Variants in ATRNL1 observed in about 807,000 individuals in gnomAD.
ATRNL1 encodes the protein attractin like 1.
A neutral mutation model predicts 182.7 loss-of-function variants in ATRNL1; 95 were observed. That is an observed-to-expected ratio of 0.52 (90% confidence interval 0.44 to 0.62). The LOEUF is 0.62. Among genes scored for constraint, ATRNL1 ranks in the 20% least tolerant of loss-of-function variants. The probability of loss-of-function intolerance (pLI) is 0.00; values close to 1 mark genes in which losing one functional copy is unlikely to be tolerated. For synonymous variants in ATRNL1, 576 were observed against 568.3 expected (o/e 1.01, Z -0.19); for missense variants, 1,471 against 1,679.5 (o/e 0.88, Z 2.17).
At chr10:115,323,595 C>T (rs1264812953) in intron 18 of ATRNL1, among the ~76,000 whole-genome samples, 2 of 151,532 alleles carry the variant, frequency 1.3e-5, no homozygotes, top group Admixed American at 1.3e-4. Flanking sequence ...CAGGCATGTG[C>T]CACCACACCT....
rs531980752 is a variant in ATRNL1 at position 115,789,832 on chromosome 10, T to C, written c.3904-58045T>C. Among the ~76,000 whole-genome samples, 3 of 152,232 alleles carry C rather than the reference T, an allele frequency of 2.0e-5. No homozygotes were observed. In the South Asian group the frequency reaches 6.2e-4, roughly 32 times the overall value. ...AACAAATGCAAATCTGCTATTAGAG[T>C]TGAGCAGTTTAAATGCTCCAGTACA... On this transcript the variant is annotated intron_variant, in intron 27 of 28. Coordinates refer to ENST00000355044, the MANE Select transcript of ATRNL1 (RefSeq NM_207303.4).
At chr10:115,530,029 CT>C (rs1435800898) in intron 25 of ATRNL1, among the ~76,000 whole-genome samples, 3 of 152,150 alleles carry the variant, frequency 2.0e-5, no homozygotes, top group Admixed American at 6.5e-5. Context: ...CACAATGTTT[CT>C]TATCCGTAAC....
chr10:115,737,335 C>T (rs2134086765), intron 27 of ATRNL1, among the ~76,000 whole-genome samples: 1 of 150,462 alleles, frequency 6.6e-6, no homozygotes, highest in Admixed American at 6.6e-5. Flanking sequence ...ACTCAGGAGT[C>T]TGAGGTGGGA....
At chr10:115,532,423 CTCTA>C (rs1408279561) in intron 25 of ATRNL1, among the ~76,000 whole-genome samples, 5 of 151,764 alleles carry the variant, frequency 3.3e-5, no homozygotes, top group African/African-American at 7.3e-5. Flanking sequence ...TGATTTGGCT[CTCTA>C]TCTGTTATTA....
intron 1 of ATRNL1, among the ~76,000 whole-genome samples, chr10:115,110,584 A>G (rs1487420585): frequency 1.3e-5 from 2 of 152,166 alleles, no homozygotes; most frequent in Admixed American, 6.5e-5. Flanking sequence ...CTGAGTCTAT[A>G]GGGACTTCTG....
intron 5 of ATRNL1, among the ~76,000 whole-genome samples, chr10:115,153,186 G>C (rs1592176825): frequency 6.6e-6 from 1 of 151,974 alleles, no homozygotes; most frequent in South Asian, 2.1e-4. Context: ...CTCTTTTTTT[G>C]TTGTGTCTCT....
intron 20 of ATRNL1, among the ~76,000 whole-genome samples, chr10:115,414,440 A>T (rs1845291661): frequency 6.6e-6 from 1 of 151,006 alleles, no homozygotes; most frequent in African/African-American, 2.4e-5. Context: ...TAGAGATAGG[A>T]TTCACTTGAA....
intron 21 of ATRNL1, among the ~76,000 whole-genome samples, chr10:115,446,529 G>A (rs1554966730): frequency 6.6e-6 from 1 of 151,640 alleles, no homozygotes; most frequent in African/African-American, 2.4e-5. Flanking sequence ...AAAAAACTCT[G>A]TATTTATATT....
At chr10:115,850,528 T>A (rs1266039913) in intron 28 of ATRNL1, among the ~76,000 whole-genome samples, 2 of 151,418 alleles carry the variant, frequency 1.3e-5, no homozygotes, top group Non-Finnish European at 3.0e-5. Flanking sequence ...TTGGGAACCA[T>A]ATTGGCTCTT....
intron 27 of ATRNL1, among the ~76,000 whole-genome samples, chr10:115,813,929 C>G (rs1205724725): frequency 6.6e-6 from 1 of 152,094 alleles, no homozygotes; most frequent in African/African-American, 2.4e-5. Context: ...TATTTGACAA[C>G]CAAGTACACT....
chr10:115,095,493 A>G (rs2084989618), intron 1 of ATRNL1, among the ~76,000 whole-genome samples: 1 of 152,036 alleles, frequency 6.6e-6, no homozygotes, highest in Non-Finnish European at 1.5e-5. Flanking sequence ...TAAATTAACT[A>G]GTAGGTTTTG....
chr10:115,332,842 A>G (rs116235594), intron 18 of ATRNL1, among the ~76,000 whole-genome samples: 1,969 of 151,882 alleles, frequency 0.013, 37 homozygotes, highest in African/African-American at 0.044. Flanking sequence ...TTTACATTCA[A>G]TGTTCCATAT....
chr10:115,287,974 G>A (rs538239671), intron 15 of ATRNL1, among the ~76,000 whole-genome samples: 1 of 147,104 alleles, frequency 6.8e-6, no homozygotes, highest in South Asian at 2.2e-4. Context: ...TGAGAACACA[G>A]GGTGTGTAAC....
At chr10:115,776,323 A>G (rs1949125061) in intron 27 of ATRNL1, among the ~76,000 whole-genome samples, 2 of 152,202 alleles carry the variant, frequency 1.3e-5, no homozygotes, top group Admixed American at 1.3e-4. Context: ...ACCAAGTACC[A>G]TTTGGCCTCC....
chr10:115,600,068 A>G (rs959274352), intron 26 of ATRNL1, among the ~76,000 whole-genome samples: 5 of 152,104 alleles, frequency 3.3e-5, no homozygotes, highest in Non-Finnish European at 5.9e-5. Flanking sequence ...TTTCATTTAA[A>G]TAGAATTATG....
At chr10:115,170,337 C>A (rs782697957) in intron 7 of ATRNL1, among the ~76,000 whole-genome samples, 7 of 152,046 alleles carry the variant, frequency 4.6e-5, no homozygotes, top group Non-Finnish European at 8.8e-5. Flanking sequence ...TAATTTACAT[C>A]ATTTATGTAC....
chr10:115,574,456 C>T (rs782661262), intron 26 of ATRNL1, among the ~76,000 whole-genome samples: 9 of 151,962 alleles, frequency 5.9e-5, no homozygotes, highest in Non-Finnish European at 1.3e-4. Context: ...AAATTTACTT[C>T]ACTTGTTTTT....
At chr10:115,581,550 T>G (rs1383199462) in intron 26 of ATRNL1, among the ~76,000 whole-genome samples, 1 of 152,078 alleles carries the variant, frequency 6.6e-6, no homozygotes, top group African/African-American at 2.4e-5. Flanking sequence ...AATTAAATAT[T>G]AAAAGTCTAG....
chr10:115,523,162 A>G (rs73373334), intron 25 of ATRNL1, among the ~76,000 whole-genome samples: 7,643 of 152,208 alleles, frequency 0.05, 580 homozygotes, highest in African/African-American at 0.17. Flanking sequence ...AGCCTCCTTC[A>G]GTGGCAGTAG....
Sources: allele counts gnomAD v4.1 joint callset (sites outside exome capture counted in the v4.1 genomes callset), GRCh38; gene constraint gnomAD v4.1.1; transcripts MANE v1.5; gene names NCBI Gene and HGNC (gene_info 2026-07-23, HGNC 2026-07-21).